The following GGACT variants were observed in gnomAD, a reference collection of about 807,000 sequenced individuals.
GGACT encodes gamma-glutamylamine cyclotransferase.
For missense variants in GGACT, 241 were observed against 233.2 expected (o/e 1.03, Z -0.22); for synonymous variants, 118 against 115.3 (o/e 1.02, Z -0.15).
At chr13:100,533,273 A>G (rs757242257) in intron 2 of GGACT, 21 of 154,456 alleles carry the variant, frequency 1.4e-4, no homozygotes, top group Non-Finnish European at 2.6e-4. Context: ...TCCTGAGCCC[A>G]GCACAGCCCA....
chr13:100,577,046 A>C (rs1237886844), intron 2 of GGACT, among the ~76,000 whole-genome samples: 1 of 152,218 alleles, frequency 6.6e-6, no homozygotes, highest in Non-Finnish European at 1.5e-5. Flanking sequence ...TTTAAAAGAG[A>C]CAAGAGATAC....
At chr13:100,562,807 A>G (rs1467013995) in intron 2 of GGACT, among the ~76,000 whole-genome samples, 1 of 141,504 alleles carries the variant, frequency 7.1e-6, no homozygotes, top group Non-Finnish European at 1.6e-5. Flanking sequence ...AAAAAAAAAA[A>G]AGAAAAAAAA....
rs555942383 is a variant in GGACT, at chr13:100,535,781, A to C, written c.-10-3180T>G. 2.0e-5 allele frequency: 3 copies of C among 152,318 alleles called. No homozygotes were observed. In the East Asian group the frequency reaches 5.8e-4, roughly 29 times the overall value. The allele number at this position is 152,318 out of a possible 1,614,324, so 9.4% of individuals were successfully genotyped here. ...AACTTTATGTTTTCCTTGAAATTAA[A>C]AATTGCTTCAAGTTTGTTTTTTTTG... On this transcript the variant is annotated intron_variant, in intron 2 of 2. Coordinates refer to ENST00000683975, the MANE Select transcript of GGACT (RefSeq NM_001195087.2).
At position 100,530,329 on chromosome 13, in the gene GGACT, C is replaced by T. The variant is rs1398586583; in HGVS notation, c.*1801G>A. 4.4e-6 allele frequency: 3 copies of T among 682,230 alleles called. No individual in the cohort carries two copies. Among genetic ancestry groups the T allele is most frequent in the South Asian group, 1.6e-5 (1 of 61,668 alleles). 42.3% of individuals were successfully genotyped at this position (682,230 alleles called of 1,614,324 possible). A position where few individuals can be genotyped will look rare whatever the true frequency, so the allele number is the denominator to read the frequency against. On this transcript the variant is annotated 3_prime_UTR_variant, in exon 3 of 3. Transcript: ENST00000683975. ...GACCAATATTCTGCCAAAAAATCAC[C>T]AATGGAAATTTTCATTGATATAAAT...
Position 100,545,513 on chromosome 13 carries a change from C to T in GGACT, c.-10-12912G>A, listed in dbSNP as rs897714996. Among the ~76,000 whole-genome samples, 22 of 152,220 alleles carry T rather than the reference C, an allele frequency of 1.4e-4. No individual in the cohort carries two copies. Among genetic ancestry groups the T allele is most frequent in the Non-Finnish European group, 2.8e-4 (19 of 68,038 alleles). On this transcript the variant is annotated intron_variant, in intron 2 of 2. Coordinates refer to ENST00000683975, the MANE Select transcript of GGACT (RefSeq NM_001195087.2). The surrounding 1 kb of genome is among the most constrained non-coding windows in gnomAD (Gnocchi z 4.4). ...CCTGGGCTGCCCTCATACCAGGCTCCAGTCACATCTGCCGTGGCCTCCTGA... is the reference window on the plus strand; with the variant it reads ...CCTGGGCTGCCCTCATACCAGGCTCTAGTCACATCTGCCGTGGCCTCCTGA...
chr13:100,548,555 G>A (rs922439766), intron 2 of GGACT, among the ~76,000 whole-genome samples: 6 of 152,226 alleles, frequency 3.9e-5, no homozygotes, highest in African/African-American at 1.4e-4. Flanking sequence ...GGCCCCTGGC[G>A]AGGCTTGGGC....
chr13:100,535,640 A>C (rs927640375), intron 2 of GGACT: 1 of 152,200 alleles, frequency 6.6e-6, no homozygotes, highest in East Asian at 1.9e-4. Context: ...CCATCCTCCC[A>C]ACAGACTCAT....
intron 2 of GGACT, among the ~76,000 whole-genome samples, chr13:100,562,086 C>T (rs550452646): frequency 1.3e-3 from 203 of 152,290 alleles, no homozygotes; most frequent in African/African-American, 4.5e-3. Context: ...TTAGGTGCCT[C>T]TAAATAGGGA....
chr13:100,584,414 G>A (rs1875504264), intron 1 of GGACT, among the ~76,000 whole-genome samples: 2 of 152,118 alleles, frequency 1.3e-5, no homozygotes, highest in Admixed American at 6.5e-5. Context: ...ATTTGTGGGA[G>A]CCAAAAATTA....
chr13:100,547,755 G>T (rs1219059212), intron 2 of GGACT, among the ~76,000 whole-genome samples: 1 of 152,220 alleles, frequency 6.6e-6, no homozygotes, highest in East Asian at 1.9e-4. Flanking sequence ...TGGCAGCAGG[G>T]TCAAGGTCGA....
At chr13:100,587,741 A>G (rs1875622655) in intron 1 of GGACT, among the ~76,000 whole-genome samples, 1 of 152,222 alleles carries the variant, frequency 6.6e-6, no homozygotes, top group Non-Finnish European at 1.5e-5. Context: ...AAAAAAGGCC[A>G]CAAATCCCGG....
At chr13:100,567,542 C>T (rs371355932) in intron 2 of GGACT, among the ~76,000 whole-genome samples, 1 of 152,324 alleles carries the variant, frequency 6.6e-6, no homozygotes, top group East Asian at 1.9e-4. Flanking sequence ...TCTCTTGTAG[C>T]AAATGGTATT....
intron 2 of GGACT, among the ~76,000 whole-genome samples, chr13:100,573,124 C>T (rs1219701248): frequency 2.6e-5 from 4 of 152,112 alleles, no homozygotes; most frequent in Admixed American, 1.3e-4. Context: ...GGGAGAGAAG[C>T]GGCATCTTCC....
In GGACT at chr13:100,545,927, A is replaced by G. The variant is rs1412465174; in HGVS notation, c.-10-13326T>C. ...ACCACATACTCGGAAAATGACACAG[A>G]AAGCCAGGGCAACCTGCTGGGCCAC... On this transcript the variant is annotated intron_variant, in intron 2 of 2. Coordinates refer to ENST00000683975, the MANE Select transcript of GGACT (RefSeq NM_001195087.2). This position sits in a 1 kb window ranked among gnomAD's most constrained non-coding sequence, Gnocchi z 4.4. Among the ~76,000 whole-genome samples, 1 of 152,238 alleles carries G rather than the reference A, an allele frequency of 6.6e-6. No individual in the cohort carries two copies. The highest frequency in any genetic ancestry group is 2.4e-5 in the African/African-American group (1 of 41,458).
At position 100,532,567 on chromosome 13, in the gene GGACT, T is replaced by C. The variant is rs536743919; in HGVS notation, c.25A>G (p.Thr9Ala). ...TGGTTGGGCTGACCCCGCTTCAGGG[T>C]GCCGTACACGAAGACTAGGGCCATC... is the stretch of plus-strand genomic sequence containing the variant. MALVFVYG[T>A]LKRGQPNHRV... Residue 9 changes from threonine to alanine, a missense_variant, in exon 3 of 3, where the codon ACC becomes GCC. Coordinates refer to ENST00000683975, the MANE Select transcript of GGACT (RefSeq NM_001195087.2). 2.1e-5 allele frequency: 33 copies of C among 1,546,236 alleles called. No individual in the cohort carries two copies. In the South Asian group the frequency reaches 3.7e-4, roughly 17 times the overall value.
chr13:100,532,969 C>A (rs2088437394), intron 2 of GGACT, among the ~76,000 whole-genome samples: 1 of 152,206 alleles, frequency 6.6e-6, no homozygotes, highest in Non-Finnish European at 1.5e-5. Context: ...AGACAGGACA[C>A]CTGCGTTCTG....
At chr13:100,551,228 G>A (rs1245696133) in intron 2 of GGACT, among the ~76,000 whole-genome samples, 1 of 151,940 alleles carries the variant, frequency 6.6e-6, no homozygotes, top group Non-Finnish European at 1.5e-5. Context: ...AGCTTGCAGT[G>A]AGCCGAGATC....
intron 2 of GGACT, among the ~76,000 whole-genome samples, chr13:100,568,314 T>A (rs1329852576): frequency 1.3e-5 from 2 of 152,206 alleles, no homozygotes; most frequent in East Asian, 3.9e-4. Flanking sequence ...GAGGTTTAAT[T>A]GATTTACATT....
At chr13:100,571,373 G>T (rs1256771131) in intron 2 of GGACT, among the ~76,000 whole-genome samples, 2 of 152,224 alleles carry the variant, frequency 1.3e-5, no homozygotes, top group Non-Finnish European at 2.9e-5. Flanking sequence ...TGATCATATA[G>T]AAGTGCCATT....
Sources: gnomAD v4.1 joint callset for allele counts (sites outside exome capture counted in the v4.1 genomes callset) on GRCh38, gnomAD v4.1.1 for gene constraint, Gnocchi (gnomAD v3.1) non-coding constraint, MANE v1.5 for transcripts, NCBI Gene and HGNC (gene_info 2026-07-23, HGNC 2026-07-21) for gene names.